Variants in FXYD7 observed in about 807,000 individuals in gnomAD.
The protein encoded by FXYD7 is FXYD domain containing ion transport regulator 7.
FXYD7 carries 7 observed loss-of-function variants against 15.3 expected under a neutral mutation model. That is an observed-to-expected ratio of 0.46 (90% confidence interval 0.26 to 0.86). The LOEUF is 0.86. FXYD7 is among the 40% of genes least tolerant of loss of function. The pLI, the probability that FXYD7 is intolerant of heterozygous loss-of-function variation, is 0.16. For missense variants in FXYD7, 78 were observed against 100.6 expected (o/e 0.78, Z 0.96); for synonymous variants, 39 against 39.3 (o/e 0.99, Z 0.03).
At chr19:35,149,159 C>T (rs772629661) in intron 2 of FXYD7, 1 of 404,886 alleles carries the variant, frequency 2.5e-6, no homozygotes, top group Admixed American at 2.7e-5. Context: ...GGGAAAGATA[C>T]CTGACTGGTG....
Position 35,154,072 on chromosome 19 carries a change from C to T in FXYD7, c.*156C>T. ...CTGGAGCCGCTGCACCCTGCTGTCC[C>T]TCTCCAGGCCTTGGCAATGACGATC... On this transcript the variant is annotated 3_prime_UTR_variant, in exon 6 of 6. Coordinates refer to ENST00000270310, the MANE Select transcript of FXYD7 (RefSeq NM_022006.2). The T allele has an allele frequency of 1.6e-6, 1 of 635,412 alleles. No individual in the cohort carries two copies. Among genetic ancestry groups the T allele is most frequent in the Non-Finnish European group, 2.7e-6 (1 of 368,962 alleles). The allele number at this position is 635,412 out of a possible 1,614,324, so 39.4% of individuals were successfully genotyped here. A position where few individuals can be genotyped will look rare whatever the true frequency, so the allele number is the denominator to read the frequency against.
At chr19:35,151,734 T>A in intron 5 of FXYD7, 61 bp downstream of exon 5, 1 of 947,164 alleles carries the variant, frequency 1.1e-6, no homozygotes, top group Non-Finnish European at 1.6e-6. Context: ...AAGGGAACCC[T>A]CAGAAGGGAA....
At chr19:35,150,602 C>A in intron 2 of FXYD7, among the ~76,000 whole-genome samples, 1 of 152,080 alleles carries the variant, frequency 6.6e-6, no homozygotes, top group South Asian at 2.1e-4. Context: ...GGGGGAAGAG[C>A]TTTCAGGCTG....
At chr19:35,147,019 T>C (rs922575544) in intron 1 of FXYD7, among the ~76,000 whole-genome samples, 5 of 152,190 alleles carry the variant, frequency 3.3e-5, no homozygotes, top group African/African-American at 9.7e-5. Context: ...GTACCAAAAG[T>C]CTCAGGGGCT....
At chr19:35,153,032 C>CGTTTTTTTTTTTTTTTTTTTTT in intron 5 of FXYD7, among the ~76,000 whole-genome samples, 1 of 59,498 alleles carries the variant, frequency 1.7e-5, no homozygotes, top group Non-Finnish European at 3.2e-5. Flanking sequence ...GTTTCACGTT[C>CGTTTTTTTTTTTTTTTTTTTTT]CTTTTTTTTT....
intron 5 of FXYD7, 102 bp downstream of exon 5, chr19:35,151,775 G>GT: frequency 1.3e-6 from 1 of 742,938 alleles, no homozygotes; most frequent in Non-Finnish European, 2.5e-6. Context: ...GCAGGGGGCG[G>GT]AGGGGGGGTG....
At chr19:35,151,966 C>T (rs1212693479) in intron 5 of FXYD7, among the ~76,000 whole-genome samples, 1 of 151,546 alleles carries the variant, frequency 6.6e-6, no homozygotes, top group African/African-American at 2.4e-5. Context: ...TGGTGAAACA[C>T]CGTCTCTGCT....
Position 35,151,688 on chromosome 19 carries a change from CTG to C in FXYD7, c.220+20_220+21del, listed in dbSNP as rs1568407017. On this transcript the variant is annotated intron_variant, in intron 5 of 5. Transcript: ENST00000270310. ...TCCCTCTTCAGGTGAGGGTGAGAAA[CTG>C]TGTGGTTCTGGGAGAGTTTTAGGTG... 5.1e-6 allele frequency: 8 copies of C among 1,567,804 alleles called. No individual in the cohort carries two copies. The highest frequency in any genetic ancestry group is 1.7e-5 in the Admixed American group (1 of 58,688).
Position 35,153,220 on chromosome 19 carries a change from C to T in FXYD7, c.221-674C>T, listed in dbSNP as rs540348997. On this transcript the variant is annotated intron_variant, in intron 5 of 5. Coordinates refer to ENST00000270310, the MANE Select transcript of FXYD7 (RefSeq NM_022006.2). ...GACTACAGGCACACACCACCACACCCGGCTAATTTTTATATCTTTAGCAGA... is the reference window on the plus strand; with the variant it reads ...GACTACAGGCACACACCACCACACCTGGCTAATTTTTATATCTTTAGCAGA... Among the ~76,000 whole-genome samples, 4 of 151,714 alleles carry T rather than the reference C, an allele frequency of 2.6e-5. No individual in the cohort carries two copies. The South Asian group carries it at 6.3e-4, about 24-fold the overall frequency.
At chr19:35,145,092 G>C (rs1452065965) in intron 1 of FXYD7, among the ~76,000 whole-genome samples, 1 of 152,084 alleles carries the variant, frequency 6.6e-6, no homozygotes, top group Non-Finnish European at 1.5e-5. Context: ...TCCTGCAGGG[G>C]CAACGGCAGG....
At chr19:35,151,798 A>C in intron 5 of FXYD7, 125 bp downstream of exon 5, 2 of 757,068 alleles carry the variant, frequency 2.6e-6, no homozygotes, top group Admixed American at 3.8e-5. Flanking sequence ...GCCTGCAGAT[A>C]TCACAGGACA....
Position 35,148,699 on chromosome 19 carries a change from G to T in FXYD7, c.37G>T (p.Glu13Ter). Reference sequence around the variant, plus strand: ...TCTCTGCTTCTTTCCCTCAGCTCCTGAGGAACCTGACCCATTTTACTATGG... The same window carrying T: ...TCTCTGCTTCTTTCCCTCAGCTCCTTAGGAACCTGACCCATTTTACTATGG... Reference protein sequence around the residue: ...TPTQTPTKAPEEPDPFYYDYN... With the variant: ...TPTQTPTKAP Residue 13 changes from glutamate (E) to a stop codon, truncating the protein, a stop_gained, in exon 2 of 6, where the codon GAG (glutamate) becomes TAG (stop). Coordinates refer to ENST00000270310, the MANE Select transcript of FXYD7 (RefSeq NM_022006.2). LOFTEE classifies it high-confidence loss of function. 1 of 1,574,132 alleles carries T rather than the reference G, an allele frequency of 6.4e-7. No individual in the cohort carries two copies.
Position 35,143,399 on chromosome 19 carries a change from C to G in FXYD7, c.31+35C>G. 3.4e-6 allele frequency: 5 copies of G among 1,469,092 alleles called. No individual in the cohort carries two copies. Among genetic ancestry groups the G allele is most frequent in the Non-Finnish European group, 4.5e-6 (5 of 1,101,062 alleles). 91.0% of individuals were successfully genotyped at this position (1,469,092 alleles called of 1,614,324 possible). On this transcript the variant is annotated intron_variant, in intron 1 of 5. Transcript: ENST00000270310. This position sits in a 1 kb window ranked among gnomAD's most constrained non-coding sequence, Gnocchi z 4.3. ...GTTTGGGGAGGGGGTTGCAGGGGGGCTCCGGGATCTGAGAGCCTAGGAGAG... is the reference window on the plus strand; with the variant it reads ...GTTTGGGGAGGGGGTTGCAGGGGGGGTCCGGGATCTGAGAGCCTAGGAGAG...
At position 35,143,508 on chromosome 19, in the gene FXYD7, A is replaced by G; in HGVS notation, c.31+144A>G. Reference sequence around the variant, plus strand: ...TCCTCCTGTGGGCGGAAGCCCCTGTAATGCGCCCCCCCGATCGCCCCTCCG... The same window carrying G: ...TCCTCCTGTGGGCGGAAGCCCCTGTGATGCGCCCCCCCGATCGCCCCTCCG... On this transcript the variant is annotated intron_variant, in intron 1 of 5. Transcript: ENST00000270310. The surrounding 1 kb of genome is among the most constrained non-coding windows in gnomAD (Gnocchi z 4.3). 1.5e-6 allele frequency: 1 copy of G among 645,212 alleles called. No homozygotes were observed. Among genetic ancestry groups the G allele is most frequent in the Non-Finnish European group, 2.4e-6 (1 of 409,432 alleles). 40.0% of individuals were successfully genotyped at this position (645,212 alleles called of 1,614,324 possible).
In FXYD7 at chr19:35,148,712, C is replaced by G; in HGVS notation, c.50C>G (p.Pro17Arg). The G allele has an allele frequency of 6.3e-7, 1 of 1,588,390 alleles. No homozygotes were observed. The highest frequency in any genetic ancestry group is 1.1e-5 in the South Asian group (1 of 89,562). The change falls in exon 2 of 6, where the codon CCA becomes CGA. Residue 17 changes from proline to arginine, a missense_variant. Physicochemically the swap from Pro to Arg is moderately radical, Grantham distance 103. Coordinates refer to ENST00000270310, the MANE Select transcript of FXYD7 (RefSeq NM_022006.2). ...TPTKAPEEPD[P>R]FYYDYNTVQT... Reference sequence around the variant, plus strand: ...CCCTCAGCTCCTGAGGAACCTGACCCATTTTACTATGGTGAGTGTTGGATT... The same window carrying G: ...CCCTCAGCTCCTGAGGAACCTGACCGATTTTACTATGGTGAGTGTTGGATT...
chr19:35,143,319 C>T lies in FXYD7; in HGVS notation c.-15C>T, dbSNP rs1216537322. On this transcript the variant is annotated 5_prime_UTR_variant, in exon 1 of 6. Transcript: ENST00000270310. The surrounding 1 kb of genome is among the most constrained non-coding windows in gnomAD (Gnocchi z 4.3). ...CGCCGCCAAAGCATCCAGCAGCCCC[C>T]TGCTCCGGCCCAGCATGGCGACCCC... 4.6e-6 allele frequency: 7 copies of T among 1,537,772 alleles called. No individual in the cohort carries two copies. Among genetic ancestry groups the T allele is most frequent in the Non-Finnish European group, 6.1e-6 (7 of 1,141,774 alleles).
At chr19:35,151,125 T>TCCACA in intron 2 of FXYD7, 129 bp from the exon 3 acceptor site, 1 of 736,532 alleles carries the variant, frequency 1.4e-6, no homozygotes, top group South Asian at 1.5e-5. Context: ...CCTGAAGGAG[T>TCCACA]GTCCAGCACA....
rs141265038 is a variant in FXYD7, at chr19:35,153,738, G to A, written c.221-156G>A. Among the ~76,000 whole-genome samples the A allele has an allele frequency of 1.6e-3, 246 of 152,290 alleles. 4 individuals are homozygous for A. Among genetic ancestry groups the A allele is most frequent in the Middle Eastern group, 6.8e-3 (2 of 294 alleles). ...GTGTCCCCAAGGGAACAAGACATTA[G>A]AGTGTGGGAGGCAAGACAGCTCCTC... On this transcript the variant is annotated intron_variant, in intron 5 of 5. Transcript: ENST00000270310.
At position 35,154,014 on chromosome 19, in the gene FXYD7, T is replaced by C; in HGVS notation, c.*98T>C. 2 of 1,189,504 alleles carry C rather than the reference T, an allele frequency of 1.7e-6. No individual in the cohort carries two copies. The highest frequency in any genetic ancestry group is 2.4e-5 in the East Asian group (1 of 41,758). 73.7% of individuals were successfully genotyped at this position (1,189,504 alleles called of 1,614,324 possible). A position where few individuals can be genotyped will look rare whatever the true frequency, so the allele number is the denominator to read the frequency against. On this transcript the variant is annotated 3_prime_UTR_variant, in exon 6 of 6. Transcript: ENST00000270310. ...GGACCCAGCCGCGCGCCGGGAGCGCTCCCCGGAATGAGCCGCCCCACCCAC... is the reference window on the plus strand; with the variant it reads ...GGACCCAGCCGCGCGCCGGGAGCGCCCCCCGGAATGAGCCGCCCCACCCAC...
Sources: allele counts gnomAD v4.1 joint callset (sites outside exome capture counted in the v4.1 genomes callset), GRCh38; gene constraint gnomAD v4.1.1; non-coding constraint Gnocchi (gnomAD v3.1); transcripts MANE v1.5; gene names NCBI Gene and HGNC (gene_info 2026-07-23, HGNC 2026-07-21).